ETFB: variants seen among roughly 807,000 people sequenced by gnomAD.
ETFB encodes the protein beta-ETF.
ETFB carries 20 observed loss-of-function variants against 25.6 expected under a neutral mutation model. The ratio of observed to expected loss-of-function variants is 0.78; its 90% CI spans 0.55 to 1.14. The LOEUF is 1.14. Ranked by LOEUF, ETFB falls within the 50% of genes most tolerant of loss-of-function variation. The pLI is 0.00. For synonymous variants in ETFB, 142 were observed against 146.7 expected, an observed-to-expected ratio of 0.97 and a Z score of 0.23; for missense variants, 286 against 342.6, an observed-to-expected ratio of 0.83 and a Z score of 1.30.
intron 4 of ETFB, chr19:51,348,623 TAACAAATTGTGCA>T (rs1362067685): frequency 6.6e-6 from 1 of 151,832 alleles, no homozygotes; most frequent in Non-Finnish European, 1.5e-5. Flanking sequence ...AAAGCAAACT[TAACAAATTGTGCA>T]ACTTAGATAT....
chr19:51,355,612 A>C (rs2123594194), intron 1 of ETFB: 1 of 152,314 alleles, frequency 6.6e-6, no homozygotes, highest in South Asian at 2.1e-4. Flanking sequence ...AAAGGATTAT[A>C]AATCATGCTG....
intron 1 of ETFB, chr19:51,356,950 C>T (rs1291646017): frequency 2.0e-5 from 3 of 152,144 alleles, no homozygotes; most frequent in African/African-American, 4.8e-5. Flanking sequence ...TGTCTAGTCT[C>T]CCTCTGTCTC....
At chr19:51,360,602 G>T (rs1329931554) in intron 1 of ETFB, among the ~76,000 whole-genome samples, 1 of 152,154 alleles carries the variant, frequency 6.6e-6, no homozygotes, top group Non-Finnish European at 1.5e-5. Context: ...GGGCCACTGA[G>T]CATGGAAGTG....
Position 51,354,297 on chromosome 19 carries a change from C to G in ETFB, c.69G>C (p.Lys23Asn), listed in dbSNP as rs371201213. 4 of 1,614,178 alleles carry G rather than the reference C, an allele frequency of 2.5e-6. No individual in the cohort carries two copies. Among genetic ancestry groups the G allele is most frequent in the East Asian group, 4.5e-5 (2 of 44,888 alleles). ...VIDYAVKIRV[K>N]PDRTGVVTDG... ...CCGTGACCACACCGGTCCTGTCAGG[C>G]TTCACTCGGATCTGCCCAGCAGGAG... Residue 23 changes from lysine to asparagine, a missense_variant, in exon 2 of 6, where the codon AAG becomes AAC. Coordinates refer to ENST00000309244, the MANE Select transcript of ETFB (RefSeq NM_001985.3).
intron 1 of ETFB, among the ~76,000 whole-genome samples, chr19:51,364,320 A>C (rs961261400): frequency 3.9e-5 from 6 of 152,200 alleles, no homozygotes; most frequent in Non-Finnish European, 5.9e-5. Context: ...TGAAAAGGAC[A>C]TCAACAGACA....
intron 1 of ETFB, chr19:51,356,086 G>A (rs1986072749): frequency 6.6e-6 from 1 of 151,144 alleles, no homozygotes; most frequent in Non-Finnish European, 1.5e-5. Context: ...AAAACTTAAA[G>A]TATAATAATA....
chr19:51,345,212 C>T lies in ETFB; in HGVS notation c.767G>A (p.Ter256=). ...TTTATTGCCATCTCTGGGAGGGGCT[C>T]AAATCCGCCCAATCTCCTTCAGCTT... is the stretch of plus-strand genomic sequence containing the variant. ...VAKLKEIGRI[*] Residue 256 remains the stop codon, a stop_retained_variant, in exon 6 of 6, where the codon TGA becomes TAA. Coordinates refer to ENST00000309244, the MANE Select transcript of ETFB (RefSeq NM_001985.3). 1 of 1,614,116 alleles carries T rather than the reference C, an allele frequency of 6.2e-7. No homozygotes were observed. Among genetic ancestry groups the T allele is most frequent in the Non-Finnish European group, 8.5e-7 (1 of 1,179,980 alleles).
Position 51,354,284 on chromosome 19 carries a change from C to G in ETFB, c.82G>C (p.Gly28Arg), listed in dbSNP as rs750230877. ...TGCTTCACACCATCCGTGACCACACCGGTCCTGTCAGGCTTCACTCGGATC... is the reference window on the plus strand; with the variant it reads ...TGCTTCACACCATCCGTGACCACACGGGTCCTGTCAGGCTTCACTCGGATC... The part of the protein sequence containing the change: ...VKIRVKPDRT[G>R]VVTDGVKHSM... Residue 28 changes from glycine (G) to arginine (R), a missense_variant, in exon 2 of 6, where the codon GGT (glycine) becomes CGT (arginine). Transcript: ENST00000309244. The G allele has an allele frequency of 2.5e-6, 4 of 1,614,026 alleles. No individual in the cohort carries two copies. Among genetic ancestry groups the G allele is most frequent in the Non-Finnish European group, 3.4e-6 (4 of 1,180,044 alleles).
At chr19:51,362,010 G>A (rs974684390) in intron 1 of ETFB, among the ~76,000 whole-genome samples, 10 of 151,962 alleles carry the variant, frequency 6.6e-5, no homozygotes, top group African/African-American at 2.4e-4. Context: ...CCTTTCTCCT[G>A]GGGTCTTGAA....
Position 51,345,295 on chromosome 19 carries a change from C to T in ETFB, c.684G>A (p.Glu228=). 1.9e-6 allele frequency: 3 copies of T among 1,614,166 alleles called. No individual in the cohort carries two copies. Among genetic ancestry groups the T allele is most frequent in the Non-Finnish European group, 2.5e-6 (3 of 1,180,028 alleles). ...CGCCGGCCGTGCGCTGGGGCGGGTCCTCCACACTGATCACAGAGAGCTTGG... is the reference window on the plus strand; with the variant it reads ...CGCCGGCCGTGCGCTGGGGCGGGTCTTCCACACTGATCACAGAGAGCTTGG... The part of the protein sequence containing the change: ...LTSKLSVISV[E]DPPQRTAGVK... The change falls in exon 6 of 6, where the codon GAG becomes GAA. Residue 228 remains glutamate, a synonymous_variant. Transcript: ENST00000309244.
chr19:51,366,384 G>GGCCCCCC lies in ETFB; in HGVS notation c.-59_-58insGGGGGGC. 1 of 1,525,576 alleles carries GGCCCCCC rather than the reference G, an allele frequency of 6.6e-7. No individual in the cohort carries two copies. The highest frequency in any genetic ancestry group is 8.9e-7 in the Non-Finnish European group (1 of 1,120,080). 94.5% of individuals were successfully genotyped at this position (1,525,576 alleles called of 1,614,324 possible). On this transcript the variant is annotated 5_prime_UTR_variant, in exon 1 of 6. Transcript: ENST00000309244. The stretch of plus-strand genomic sequence containing the variant: ...GCACCCTCAGCGGCTCAGTCCAGAA[G>GGCCCCCC]CCCCACCACCCCCGCCCCCCGCGCC...
chr19:51,348,109 A>G (rs1031952527), intron 4 of ETFB: 2 of 152,184 alleles, frequency 1.3e-5, no homozygotes, highest in Admixed American at 1.3e-4. Flanking sequence ...TTTACATTTT[A>G]TTTAAATTTA....
At chr19:51,354,043 G>A in intron 2 of ETFB, 107 bp downstream of exon 2, 1 of 1,336,016 alleles carries the variant, frequency 7.5e-7, no homozygotes. Flanking sequence ...CTCAGACCCA[G>A]GGGTCCAGAC....
intron 1 of ETFB, 196 bp from the exon 2 acceptor site, chr19:51,354,504 T>C: frequency 6.2e-7 from 1 of 1,614,114 alleles, no homozygotes; most frequent in Non-Finnish European, 8.5e-7. Flanking sequence ...CCTGTCTCCT[T>C]CTCTCATCCA....
intron 5 of ETFB, 192 bp from the exon 6 acceptor site, chr19:51,345,573 C>T (rs1292896102): frequency 3.2e-6 from 2 of 628,464 alleles, no homozygotes; most frequent in East Asian, 5.5e-5. Context: ...GGCTAGGAGG[C>T]CCTGGGAGGC....
chr19:51,349,135 T>C (rs571327736), intron 4 of ETFB, among the ~76,000 whole-genome samples: 1 of 152,324 alleles, frequency 6.6e-6, no homozygotes, highest in South Asian at 2.1e-4. Flanking sequence ...TATGTTAGAT[T>C]ATTTTACCCC....
chr19:51,352,664 G>A (rs1294620571), intron 3 of ETFB, among the ~76,000 whole-genome samples: 2 of 150,698 alleles, frequency 1.3e-5, no homozygotes, highest in Non-Finnish European at 3.0e-5. Context: ...AGGCAGGAGT[G>A]CAGTGGTGCC....
intron 1 of ETFB, among the ~76,000 whole-genome samples, chr19:51,364,913 G>A (rs1986316038): frequency 6.6e-6 from 1 of 152,206 alleles, no homozygotes. Context: ...GGTCGGCCAG[G>A]CACGGTGGCT....
chr19:51,347,116 C>G, intron 4 of ETFB, 58 bp from the exon 5 acceptor site: 1 of 1,578,858 alleles, frequency 6.3e-7, no homozygotes. Flanking sequence ...CCGACCCGAG[C>G]AGTCTGCTTA....
Sources: gnomAD v4.1 joint callset for allele counts (sites outside exome capture counted in the v4.1 genomes callset) on GRCh38, gnomAD v4.1.1 for gene constraint, MANE v1.5 for transcripts, NCBI Gene and HGNC (gene_info 2026-07-23, HGNC 2026-07-21) for gene names.